The following BBOF1 variants were observed in gnomAD, a reference collection of about 807,000 sequenced individuals.
BBOF1 encodes the protein basal body-orientation factor 1.
In BBOF1, 62 loss-of-function variants were observed where a neutral mutation model predicts 68.0. The ratio of observed to expected loss-of-function variants is 0.91; its 90% CI spans 0.74 to 1.13. BBOF1 has a LOEUF of 1.13. BBOF1 is among the 50% of genes most tolerant of loss of function. The probability of loss-of-function intolerance (pLI) is 0.00; values close to 1 mark genes in which losing one functional copy is unlikely to be tolerated. For synonymous variants in BBOF1, 208 were observed against 198.8 expected (o/e 1.05, Z -0.39); for missense variants, 534 against 600.1 (o/e 0.89, Z 1.15).
intron 9 of BBOF1, chr14:74,078,089 T>A (rs2060632706): frequency 4.7e-6 from 2 of 421,294 alleles, no homozygotes; most frequent in South Asian, 3.5e-5. Flanking sequence ...AATAAACACT[T>A]ATTGTTTATT....
intron 8 of BBOF1, among the ~76,000 whole-genome samples, 186 bp downstream of exon 8, chr14:74,050,381 T>A (rs556881317): frequency 1.3e-5 from 2 of 152,282 alleles, no homozygotes; most frequent in East Asian, 3.9e-4. Flanking sequence ...ATGTGGGGCT[T>A]TGGACGTATT....
At chr14:74,060,524 T>C (rs2060315932) in intron 11 of BBOF1, 2 of 814,728 alleles carry the variant, frequency 2.5e-6, no homozygotes, top group African/African-American at 3.4e-5. Flanking sequence ...CTGAGGAAGA[T>C]TTTAGTTACA....
At chr14:74,041,419 T>G (rs111950983) in intron 5 of BBOF1, among the ~76,000 whole-genome samples, 1 of 152,236 alleles carries the variant, frequency 6.6e-6, no homozygotes, top group East Asian at 1.9e-4. Flanking sequence ...ACAGAATCCT[T>G]TCAGAGGCCT....
intron 2 of BBOF1, among the ~76,000 whole-genome samples, chr14:74,027,385 C>CTTTTTTTTT (rs35107293): frequency 1.6e-5 from 1 of 61,072 alleles, no homozygotes; most frequent in African/African-American, 7.2e-5. Context: ...CCTCGCCCAG[C>CTTTTTTTTT]TTTTTTTTTT....
chr14:74,064,264 C>T (rs996647305), intron 11 of BBOF1, among the ~76,000 whole-genome samples: 18 of 149,680 alleles, frequency 1.2e-4, no homozygotes, highest in African/African-American at 3.9e-4. Flanking sequence ...TGCCACAGCA[C>T]TCCAGCCTGG....
chr14:74,060,693 T>A (rs759110307), intron 11 of BBOF1: 6 of 1,612,868 alleles, frequency 3.7e-6, no homozygotes, highest in South Asian at 1.1e-5. Context: ...GAGTAGCATC[T>A]TCTTCTTTCC....
chr14:74,045,684 G>GA (rs1186975847), intron 5 of BBOF1, among the ~76,000 whole-genome samples: 1 of 152,194 alleles, frequency 6.6e-6, no homozygotes, highest in Non-Finnish European at 1.5e-5. Context: ...AAGAGATCAA[G>GA]ATTAGGGTGG....
intron 11 of BBOF1, chr14:74,059,847 T>A: frequency 6.5e-6 from 1 of 154,010 alleles, no homozygotes; most frequent in South Asian, 2.0e-4. Flanking sequence ...TGAGAAGTGA[T>A]CTTAAGCAGG....
intron 8 of BBOF1, among the ~76,000 whole-genome samples, chr14:74,054,031 T>C (rs1054806841): frequency 6.6e-6 from 1 of 152,046 alleles, no homozygotes; most frequent in African/African-American, 2.4e-5. Context: ...CCTGCCACCA[T>C]GCCCGGCTAA....
chr14:74,048,185 C>T, intron 7 of BBOF1, 111 bp downstream of exon 7: 1 of 1,010,798 alleles, frequency 9.9e-7, no homozygotes, highest in Non-Finnish European at 1.4e-6. Context: ...AGACCATTTT[C>T]ATCTGTCTGG....
chr14:74,056,314 T>A (rs1344912141), intron 9 of BBOF1, among the ~76,000 whole-genome samples: 1 of 151,504 alleles, frequency 6.6e-6, no homozygotes, highest in Non-Finnish European at 1.5e-5. Flanking sequence ...ATTCTCGTGC[T>A]TCAGCCTCCC....
chr14:74,080,569 C>T (rs2060660126), intron 10 of BBOF1, among the ~76,000 whole-genome samples: 1 of 151,998 alleles, frequency 6.6e-6, no homozygotes, highest in African/African-American at 2.4e-5. Context: ...TCCCAAGTAC[C>T]TAGGAGTACA....
intron 7 of BBOF1, among the ~76,000 whole-genome samples, chr14:74,049,399 C>T (rs1233906164): frequency 3.3e-5 from 5 of 151,808 alleles, no homozygotes; most frequent in Admixed American, 6.6e-5. Context: ...ATCAGCCGGG[C>T]GCAGTGGCTC....
At position 74,027,082 on chromosome 14, in the gene BBOF1, CTTT is replaced by C. The variant is rs1189972161; in HGVS notation, c.286-2082_286-2080del. ...TGAATAAATAAGGGAGAAAGGAAGC[CTTT>C]TTTTTTTTTTTTTTTTTTTGAGACA... On this transcript the variant is annotated intron_variant, in intron 2 of 11. Transcript: ENST00000394009. 5.6e-3 allele frequency among the ~76,000 whole-genome samples: 491 copies of C among 88,188 alleles called. 14 individuals carry two copies. In the East Asian group the frequency reaches 0.18, roughly 32 times the overall value. 57.9% of individuals were successfully genotyped at this position (88,188 alleles called of 152,430 possible).
At chr14:74,079,599 G>GT (rs911805497) in intron 10 of BBOF1, among the ~76,000 whole-genome samples, 1 of 151,528 alleles carries the variant, frequency 6.6e-6, no homozygotes, top group African/African-American at 2.4e-5. Flanking sequence ...TGCCTGGCTA[G>GT]TTTTTTGTAT....
intron 11 of BBOF1, among the ~76,000 whole-genome samples, chr14:74,063,396 A>C (rs2060390487): frequency 6.6e-6 from 1 of 151,346 alleles, no homozygotes; most frequent in Non-Finnish European, 1.5e-5. Context: ...TGTTGGCCAG[A>C]TTGGTCTCAA....
chr14:74,068,998 A>C, downstream of BBOF1: 1 of 1,613,222 alleles, frequency 6.2e-7, no homozygotes, highest in Non-Finnish European at 8.5e-7. Flanking sequence ...GAAGAAAATA[A>C]ATGATCACTC....
At chr14:74,032,257 G>A (rs576894062) in intron 3 of BBOF1, among the ~76,000 whole-genome samples, 97 of 150,688 alleles carry the variant, frequency 6.4e-4, no homozygotes, top group African/African-American at 2.2e-3. Flanking sequence ...CTCCCAAGTA[G>A]CTGGGATTAC....
At chr14:74,036,966 C>T (rs868398544) in intron 4 of BBOF1, among the ~76,000 whole-genome samples, 208 of 122,606 alleles carry the variant, frequency 1.7e-3, no homozygotes, top group South Asian at 3.3e-3. Flanking sequence ...TTTTTTTTTT[C>T]TTTTTTCTTT....
Sources: allele counts gnomAD v4.1 joint callset (sites outside exome capture counted in the v4.1 genomes callset), GRCh38; gene constraint gnomAD v4.1.1; transcripts MANE v1.5; gene names NCBI Gene and HGNC (gene_info 2026-07-23, HGNC 2026-07-21).